Variants in HSD17B12 observed in about 807,000 individuals in gnomAD.
HSD17B12 encodes hydroxysteroid 17-beta dehydrogenase 12, also known as very-long-chain 3-oxoacyl-CoA reductase.
In HSD17B12, 32 loss-of-function variants were observed where a neutral mutation model predicts 39.3. The observed-to-expected ratio is 0.81, with a 90% CI of 0.61 to 1.09. The LOEUF is 1.09. Ranked by LOEUF, HSD17B12 falls within the 50% of genes least tolerant of loss-of-function variation. The probability of loss-of-function intolerance (pLI) is 0.00; values close to 1 mark genes in which losing one functional copy is unlikely to be tolerated. For missense variants in HSD17B12, 342 were observed against 382.9 expected (o/e 0.89, Z 0.89); for synonymous variants, 150 against 146.7 (o/e 1.02, Z -0.16).
chr11:43,804,027 C>G (rs943028306), intron 4 of HSD17B12, among the ~76,000 whole-genome samples: 1 of 152,136 alleles, frequency 6.6e-6, no homozygotes, highest in African/African-American at 2.4e-5. Flanking sequence ...GCGTAATTTA[C>G]CAAGGCCAAA....
chr11:43,559,128 C>T, the HSD17B12 span, among the ~76,000 whole-genome samples: 2 of 152,110 alleles, frequency 1.3e-5, no homozygotes, highest in East Asian at 1.9e-4. Context: ...TTCCACAGCC[C>T]GGAAAGCATC....
chr11:43,728,908 T>C (rs1312222992), intron 1 of HSD17B12, among the ~76,000 whole-genome samples: 1 of 152,176 alleles, frequency 6.6e-6, no homozygotes, highest in Non-Finnish European at 1.5e-5. Flanking sequence ...AATATAGATA[T>C]GCTACATATA....
chr11:43,661,046 A>G, the HSD17B12 span, among the ~76,000 whole-genome samples: 42 of 152,222 alleles, frequency 2.8e-4, no homozygotes, highest in African/African-American at 9.4e-4. Context: ...AATTGCTTGA[A>G]CCTGGTTGGC....
chr11:43,698,009 G>A (rs1053122647), intron 1 of HSD17B12, among the ~76,000 whole-genome samples: 6 of 152,190 alleles, frequency 3.9e-5, no homozygotes, highest in Non-Finnish European at 8.8e-5. Context: ...TCAGGAGGTT[G>A]GGAGACCAGC....
At chr11:43,836,126 A>G (rs1325436067) in intron 7 of HSD17B12, among the ~76,000 whole-genome samples, 1 of 152,204 alleles carries the variant, frequency 6.6e-6, no homozygotes, top group Non-Finnish European at 1.5e-5. Context: ...AAGGGCACAT[A>G]TAACAACCCC....
chr11:43,747,351 G>T (rs1950421172), intron 1 of HSD17B12, among the ~76,000 whole-genome samples: 1 of 152,200 alleles, frequency 6.6e-6, no homozygotes, highest in Non-Finnish European at 1.5e-5. Context: ...TTCACGTAAA[G>T]TGATCTAGAA....
intron 1 of HSD17B12, among the ~76,000 whole-genome samples, chr11:43,729,546 A>G (rs1472885462): frequency 6.6e-6 from 1 of 152,190 alleles, no homozygotes; most frequent in Non-Finnish European, 1.5e-5. Flanking sequence ...TGTTTGTAGA[A>G]TAAAAAGCCA....
the HSD17B12 span, among the ~76,000 whole-genome samples, chr11:43,641,466 T>G: frequency 8.5e-5 from 13 of 152,152 alleles, no homozygotes; most frequent in Admixed American, 6.5e-4. Context: ...TTTGATAAAT[T>G]TGAAAGACTG....
intron 3 of HSD17B12, among the ~76,000 whole-genome samples, chr11:43,776,815 T>G (rs2134999954): frequency 6.6e-6 from 1 of 152,274 alleles, no homozygotes; most frequent in Non-Finnish European, 1.5e-5. Context: ...GTTTCAGCTT[T>G]CTACATATGG....
chr11:43,751,304 A>AT (rs1441402583), intron 2 of HSD17B12, among the ~76,000 whole-genome samples: 5 of 152,206 alleles, frequency 3.3e-5, no homozygotes, highest in African/African-American at 1.2e-4. Context: ...TGAAAATATT[A>AT]TAGGTGGTTA....
chr11:43,618,057 C>T, the HSD17B12 span, among the ~76,000 whole-genome samples: 1 of 152,112 alleles, frequency 6.6e-6, no homozygotes, highest in African/African-American at 2.4e-5. Context: ...ACAGATCTAC[C>T]TGGGCCTATT....
the HSD17B12 span, chr11:43,569,782 AGAG>A: frequency 1.3e-5 from 2 of 152,670 alleles, no homozygotes; most frequent in Non-Finnish European, 2.9e-5. Flanking sequence ...TCAATGACCA[AGAG>A]GAGACCAGAT....
intron 6 of HSD17B12, among the ~76,000 whole-genome samples, chr11:43,826,151 C>T (rs1481125216): frequency 1.4e-5 from 2 of 146,100 alleles, no homozygotes; most frequent in Non-Finnish European, 3.0e-5. Context: ...GGCGTGATCT[C>T]CGCTCACTGC....
the HSD17B12 span, among the ~76,000 whole-genome samples, chr11:43,651,350 G>A: frequency 6.6e-6 from 1 of 152,166 alleles, no homozygotes; most frequent in Non-Finnish European, 1.5e-5. Flanking sequence ...AAGAAGAGAA[G>A]ATTATAATTC....
At chr11:43,654,380 G>A in the HSD17B12 span, among the ~76,000 whole-genome samples, 1 of 152,074 alleles carries the variant, frequency 6.6e-6, no homozygotes, top group African/African-American at 2.4e-5. Context: ...CTTTTGCTGT[G>A]CAGAAGCTCT....
chr11:43,669,462 C>A, the HSD17B12 span, among the ~76,000 whole-genome samples: 1 of 151,234 alleles, frequency 6.6e-6, no homozygotes, highest in African/African-American at 2.4e-5. Context: ...GATGGTGCCA[C>A]TGCATTCCAG....
the HSD17B12 span, among the ~76,000 whole-genome samples, chr11:43,583,988 G>A: frequency 6.6e-6 from 1 of 152,120 alleles, no homozygotes; most frequent in Non-Finnish European, 1.5e-5. Flanking sequence ...AGCTAGGGAA[G>A]GGTTTCAGGG....
chr11:43,672,872 A>G, the HSD17B12 span: 146 of 152,314 alleles, frequency 9.6e-4, no homozygotes, highest in African/African-American at 3.4e-3. Flanking sequence ...TCTTATGGTA[A>G]TATTTCTTGT....
chr11:43,633,600 T>C, the HSD17B12 span, among the ~76,000 whole-genome samples: 1 of 152,110 alleles, frequency 6.6e-6, no homozygotes, highest in South Asian at 2.1e-4. Flanking sequence ...ATTTTAAAGA[T>C]GGCCTTGTGG....
Sources: allele counts gnomAD v4.1 joint callset (sites outside exome capture counted in the v4.1 genomes callset), GRCh38; gene constraint gnomAD v4.1.1; transcripts MANE v1.5; gene names NCBI Gene and HGNC (gene_info 2026-07-23, HGNC 2026-07-21).